Variants in RPS6KC1 observed in about 807,000 individuals in gnomAD.
RPS6KC1 encodes ribosomal protein S6 kinase C1.
Under a neutral mutation model 103.8 loss-of-function variants are expected in RPS6KC1, and 54 were observed. The observed-to-expected ratio is 0.52, with a 90% CI of 0.42 to 0.65. The LOEUF (loss-of-function observed/expected upper bound fraction) is 0.65, where lower values mean the gene tolerates loss of function less well. Among genes scored for constraint, RPS6KC1 ranks in the 30% least tolerant of loss-of-function variants. RPS6KC1 has a pLI of 0.00. For missense variants in RPS6KC1, 1,151 were observed against 1,253.8 expected, an observed-to-expected ratio of 0.92 and a Z score of 1.24; for synonymous variants, 439 against 438.7, an observed-to-expected ratio of 1.00 and a Z score of -0.01.
chr1:213,779,046 G>A, the RPS6KC1 span, among the ~76,000 whole-genome samples: 2 of 152,044 alleles, frequency 1.3e-5, no homozygotes, highest in Admixed American at 6.6e-5. Flanking sequence ...TGATTTCAGA[G>A]GCCTCACTCT....
At chr1:213,784,351 G>A in the RPS6KC1 span, among the ~76,000 whole-genome samples, 2 of 152,186 alleles carry the variant, frequency 1.3e-5, no homozygotes, top group African/African-American at 2.4e-5. Flanking sequence ...CACACATGAA[G>A]TTGGTCAAAG....
the RPS6KC1 span, among the ~76,000 whole-genome samples, chr1:213,808,044 C>A: frequency 6.6e-6 from 1 of 152,194 alleles, no homozygotes; most frequent in Non-Finnish European, 1.5e-5. Context: ...AGGTCCACTC[C>A]AGACCCTGTT....
chr1:213,215,947 A>G (rs2093647125), intron 8 of RPS6KC1, among the ~76,000 whole-genome samples: 1 of 152,242 alleles, frequency 6.6e-6, no homozygotes, highest in Non-Finnish European at 1.5e-5. Context: ...AAGACCATTG[A>G]GGCTAGGAAG....
chr1:213,566,034 C>T, the RPS6KC1 span, among the ~76,000 whole-genome samples: 3 of 151,804 alleles, frequency 2.0e-5, no homozygotes, highest in East Asian at 3.9e-4. Flanking sequence ...CACAAACACC[C>T]CAAATAAAAG....
At chr1:213,854,078 A>G in the RPS6KC1 span, among the ~76,000 whole-genome samples, 1 of 152,230 alleles carries the variant, frequency 6.6e-6, no homozygotes, top group East Asian at 1.9e-4. Context: ...TGAAAACAGA[A>G]AGTCAACATG....
Position 213,176,405 on chromosome 1 carries a change from A to C in RPS6KC1, c.957A>C (p.Pro319=). ...TCTTTGATATCTTCCATTAGCCTCC[A>C]GGATCACTAAGTTCAAGGCCCCTTT... ...KPQLDDVSQP[P]GSLSSRPLWN... is the part of the protein sequence containing the mutation. The change falls in exon 8 of 15, where the codon CCA becomes CCC. Residue 319 remains proline (P), a synonymous_variant. Transcript: ENST00000366960. 2 of 1,598,168 alleles carry C rather than the reference A, an allele frequency of 1.3e-6. No homozygotes were observed. Among genetic ancestry groups the C allele is most frequent in the Admixed American group, 1.7e-5 (1 of 59,898 alleles).
the RPS6KC1 span, among the ~76,000 whole-genome samples, chr1:213,549,612 C>CTTTTTTTTTTTTTT: frequency 2.3e-4 from 20 of 86,914 alleles, no homozygotes; most frequent in East Asian, 2.4e-3. Context: ...TTTTCTTTTC[C>CTTTTTTTTTTTTTT]TTTTTTTTTT....
chr1:213,147,153 C>T (rs2147840883), intron 6 of RPS6KC1, among the ~76,000 whole-genome samples: 1 of 152,178 alleles, frequency 6.6e-6, no homozygotes, highest in Admixed American at 6.5e-5. Flanking sequence ...TGTCTCTTCA[C>T]TTTTTTGATT....
At chr1:213,489,679 G>C in the RPS6KC1 span, among the ~76,000 whole-genome samples, 1 of 152,146 alleles carries the variant, frequency 6.6e-6, no homozygotes, top group African/African-American at 2.4e-5. Flanking sequence ...AGGGAGGCAG[G>C]GACTCAGAAA....
the RPS6KC1 span, chr1:213,818,004 T>C: frequency 6.6e-6 from 1 of 152,226 alleles, no homozygotes; most frequent in Admixed American, 6.5e-5. Flanking sequence ...CTTGTTATTG[T>C]AATTGTTTTG....
chr1:213,660,937 G>A, the RPS6KC1 span, among the ~76,000 whole-genome samples: 1 of 152,182 alleles, frequency 6.6e-6, no homozygotes, highest in Non-Finnish European at 1.5e-5. Flanking sequence ...AGATCATTTT[G>A]CCTGTAGAGA....
At chr1:213,836,088 A>C in the RPS6KC1 span, 1 of 152,112 alleles carries the variant, frequency 6.6e-6, no homozygotes, top group Non-Finnish European at 1.5e-5. Flanking sequence ...GAAAAAAGAA[A>C]AGAAACAAGA....
At chr1:213,811,373 C>T in the RPS6KC1 span, among the ~76,000 whole-genome samples, 1 of 152,332 alleles carries the variant, frequency 6.6e-6, no homozygotes, top group Admixed American at 6.5e-5. Context: ...TCATTTATCT[C>T]TGCACCTCTG....
the RPS6KC1 span, among the ~76,000 whole-genome samples, chr1:213,335,405 A>T: frequency 1.3e-5 from 2 of 152,378 alleles, no homozygotes; most frequent in African/African-American, 2.4e-5. Context: ...GTCCGCTATC[A>T]TCAGGGGTCA....
chr1:213,544,829 C>T, the RPS6KC1 span, among the ~76,000 whole-genome samples: 1 of 152,210 alleles, frequency 6.6e-6, no homozygotes, highest in South Asian at 2.1e-4. Flanking sequence ...CCTCCTCTCT[C>T]ATTCCTTCTT....
the RPS6KC1 span, among the ~76,000 whole-genome samples, chr1:213,524,449 C>T: frequency 6.6e-6 from 1 of 151,654 alleles, no homozygotes; most frequent in East Asian, 2.0e-4. Flanking sequence ...CTCAGCAGAT[C>T]GACTAGCTTC....
the RPS6KC1 span, among the ~76,000 whole-genome samples, chr1:213,512,626 A>G: frequency 6.6e-6 from 1 of 152,194 alleles, no homozygotes; most frequent in Admixed American, 6.6e-5. Context: ...GCTTTGGCAA[A>G]TTATCTAAGT....
chr1:213,720,584 A>G, the RPS6KC1 span, among the ~76,000 whole-genome samples: 4 of 152,340 alleles, frequency 2.6e-5, no homozygotes, highest in Admixed American at 2.6e-4. Context: ...CCCAAAGAAT[A>G]AAAAATGTCA....
chr1:213,732,354 C>T, the RPS6KC1 span, among the ~76,000 whole-genome samples: 12,256 of 150,174 alleles, frequency 0.082, 611 homozygotes, highest in Middle Eastern at 0.19. Flanking sequence ...TATGAGTGTG[C>T]GTGTGCGTGT....
Sources: gnomAD v4.1 joint callset for allele counts (sites outside exome capture counted in the v4.1 genomes callset) on GRCh38, gnomAD v4.1.1 for gene constraint, MANE v1.5 for transcripts, NCBI Gene and HGNC (gene_info 2026-07-23, HGNC 2026-07-21) for gene names.